RGS7: variants seen among roughly 807,000 people sequenced by gnomAD.
RGS7 encodes regulator of G protein signaling 7, also known as regulator of G-protein signaling 7.
RGS7 carries 27 observed loss-of-function variants against 81.1 expected under a neutral mutation model. The ratio of observed to expected loss-of-function variants is 0.33; its 90% CI spans 0.25 to 0.46. RGS7 has a LOEUF of 0.46. Ranked by LOEUF, RGS7 falls within the 20% of genes least tolerant of loss-of-function variation. The probability of loss-of-function intolerance (pLI) is 1.00; values close to 1 mark genes in which losing one functional copy is unlikely to be tolerated. For synonymous variants in RGS7, 208 were observed against 207.7 expected, an observed-to-expected ratio of 1.00 and a Z score of -0.01; for missense variants, 396 against 607.4, an observed-to-expected ratio of 0.65 and a Z score of 3.66.
intron 6 of RGS7, among the ~76,000 whole-genome samples, chr1:240,899,622 T>C (rs970372760): frequency 6.6e-6 from 1 of 152,220 alleles, no homozygotes; most frequent in African/African-American, 2.4e-5. Context: ...CCCTACTCTC[T>C]TCTGGCTTGT....
intron 9 of RGS7, among the ~76,000 whole-genome samples, chr1:240,830,884 T>C (rs886165505): frequency 2.0e-5 from 3 of 152,288 alleles, no homozygotes; most frequent in African/African-American, 7.2e-5. Flanking sequence ...TATCTGACTG[T>C]CAGTCCTGAA....
At chr1:241,281,881 C>T (rs762851603) in intron 2 of RGS7, among the ~76,000 whole-genome samples, 14 of 152,316 alleles carry the variant, frequency 9.2e-5, no homozygotes, top group African/African-American at 2.6e-4. Context: ...AACCAATCCA[C>T]GAACATGGCA....
At position 241,342,234 on chromosome 1, in the gene RGS7, T is replaced by A. The variant is rs111911247; in HGVS notation, c.78+13465A>T. Among the ~76,000 whole-genome samples the A allele has an allele frequency of 2.9e-3, 440 of 152,096 alleles. 3 individuals are homozygous for A. The highest frequency in any genetic ancestry group is 0.01 in the African/African-American group (416 of 41,486). ...TAGTCAGCTAGAAATAACAGTCCTA[T>A]GAGAAAGAGCGAATATCATAAAAAT... On this transcript the variant is annotated intron_variant, in intron 2 of 18. Transcript: ENST00000440928.
intron 9 of RGS7, among the ~76,000 whole-genome samples, chr1:240,844,980 G>T (rs962316197): frequency 6.6e-6 from 1 of 152,140 alleles, no homozygotes; most frequent in African/African-American, 2.4e-5. Flanking sequence ...AACTGACAAT[G>T]CCAAAGATTA....
At chr1:241,014,894 A>G (rs531277378) in intron 3 of RGS7, among the ~76,000 whole-genome samples, 5 of 152,322 alleles carry the variant, frequency 3.3e-5, no homozygotes, top group South Asian at 4.1e-4. Flanking sequence ...AGACTCTTAC[A>G]TAGAGAAAAG....
chr1:240,919,728 G>C, intron 6 of RGS7: 1 of 625,386 alleles, frequency 1.6e-6, no homozygotes, highest in Non-Finnish European at 2.9e-6. Flanking sequence ...TTTGAAACAA[G>C]GTGAGAGCCT....
At chr1:240,806,484 A>G (rs548728752) in intron 14 of RGS7, among the ~76,000 whole-genome samples, 158 bp from the exon 15 acceptor site, 1 of 151,926 alleles carries the variant, frequency 6.6e-6, no homozygotes, top group Admixed American at 6.6e-5. Context: ...TGTTCAAAGG[A>G]TAATCTTCTT....
rs1248019116 is a variant in RGS7, at chr1:241,270,115, C to T, written c.78+85584G>A. On this transcript the variant is annotated intron_variant, in intron 2 of 18. Coordinates refer to ENST00000440928, the MANE Select transcript of RGS7 (RefSeq NM_001364886.1). ...TTAGAACTCTGCTTCAGCCTCACCCCTCTGAAAGACCTGGTGCCAGCTCTG... is the reference window on the plus strand; with the variant it reads ...TTAGAACTCTGCTTCAGCCTCACCCTTCTGAAAGACCTGGTGCCAGCTCTG... Among the ~76,000 whole-genome samples, 3 of 152,248 alleles carry T rather than the reference C, an allele frequency of 2.0e-5. No homozygotes were observed. The South Asian group carries it at 6.2e-4, about 32-fold the overall frequency.
chr1:240,894,544 G>A (rs571914402), intron 6 of RGS7, among the ~76,000 whole-genome samples: 18 of 151,100 alleles, frequency 1.2e-4, no homozygotes, highest in African/African-American at 4.4e-4. Flanking sequence ...GTGCACTGAG[G>A]TTTTAATTAT....
intron 6 of RGS7, among the ~76,000 whole-genome samples, chr1:240,913,700 A>G (rs1470651064): frequency 6.6e-6 from 1 of 152,110 alleles, no homozygotes. Flanking sequence ...AGGCTACACT[A>G]CTGCAATTTG....
chr1:240,890,559 T>C (rs1232453547), intron 6 of RGS7, among the ~76,000 whole-genome samples: 3 of 151,988 alleles, frequency 2.0e-5, no homozygotes, highest in Non-Finnish European at 4.4e-5. Flanking sequence ...TGAAAATAAA[T>C]AATGCTTGAA....
At chr1:241,114,227 G>C (rs759421301) in intron 2 of RGS7, among the ~76,000 whole-genome samples, 1 of 151,988 alleles carries the variant, frequency 6.6e-6, no homozygotes, top group Non-Finnish European at 1.5e-5. Context: ...TATAACTCTG[G>C]ACAAACCAGA....
intron 3 of RGS7, chr1:240,998,723 C>T (rs927034260): frequency 1.0e-5 from 10 of 956,694 alleles, no homozygotes; most frequent in African/African-American, 1.6e-5. Context: ...TCTTATTCTC[C>T]GTGACGGTCA....
intron 4 of RGS7, among the ~76,000 whole-genome samples, chr1:240,959,053 T>C (rs774020250): frequency 3.3e-5 from 5 of 152,228 alleles, no homozygotes; most frequent in Non-Finnish European, 7.3e-5. Flanking sequence ...TAAGAAAAAG[T>C]AAATTTAACT....
At chr1:241,032,456 T>G (rs545308447) in intron 3 of RGS7, among the ~76,000 whole-genome samples, 23 of 152,272 alleles carry the variant, frequency 1.5e-4, no homozygotes, top group Admixed American at 2.6e-4. Context: ...ATTTGGCTAT[T>G]TGGGTTCTTT....
At chr1:241,060,737 C>T (rs2061698182) in intron 3 of RGS7, among the ~76,000 whole-genome samples, 1 of 152,150 alleles carries the variant, frequency 6.6e-6, no homozygotes, top group Non-Finnish European at 1.5e-5. Context: ...TGCATCTTGG[C>T]CCAGGGATTT....
rs2103112067 is a variant in RGS7 at position 240,814,777 on chromosome 1, T to C, written c.784A>G (p.Ile262Val). ...PPTEDELQQQIKYWQIQLDRH... is the reference protein window; with the variant it reads ...PPTEDELQQQVKYWQIQLDRH... Reference sequence around the variant, plus strand: ...TCTAACTGTATTTGCCAATATTTTATCTGAAAAGAGGGTTAGAGAAGGAGT... The same window carrying C: ...TCTAACTGTATTTGCCAATATTTTACCTGAAAAGAGGGTTAGAGAAGGAGT... The change falls in exon 12 of 19, where the codon ATA (isoleucine) becomes GTA (valine). Residue 262 changes from isoleucine (I) to valine (V), a missense_variant and splice_region_variant. Ile to Val is a conservative substitution (Grantham distance 29). Coordinates refer to ENST00000440928, the MANE Select transcript of RGS7 (RefSeq NM_001364886.1). 1.3e-6 allele frequency: 2 copies of C among 1,583,038 alleles called. No individual in the cohort carries two copies. The highest frequency in any genetic ancestry group is 1.7e-6 in the Non-Finnish European group (2 of 1,152,148).
intron 2 of RGS7, among the ~76,000 whole-genome samples, chr1:241,350,519 T>C (rs2083168176): frequency 6.6e-6 from 1 of 152,122 alleles, no homozygotes; most frequent in Non-Finnish European, 1.5e-5. Flanking sequence ...TCCTTCCTTT[T>C]CTAGTGCGTC....
intron 3 of RGS7, among the ~76,000 whole-genome samples, chr1:241,030,361 C>CATATATATATATATAT (rs370562497): frequency 0.011 from 1,165 of 102,116 alleles, 51 homozygotes; most frequent in African/African-American, 0.023. Context: ...GAACTTATAG[C>CATATATATATATATAT]ATATATATAT....
Sources: allele counts gnomAD v4.1 joint callset (sites outside exome capture counted in the v4.1 genomes callset), GRCh38; gene constraint gnomAD v4.1.1; transcripts MANE v1.5; gene names NCBI Gene and HGNC (gene_info 2026-07-23, HGNC 2026-07-21).